The following FAM117A variants were observed in gnomAD, a reference collection of about 807,000 sequenced individuals.
The protein encoded by FAM117A is protein FAM117A.
A neutral mutation model predicts 44.1 loss-of-function variants in FAM117A; 21 were observed. That is an observed-to-expected ratio of 0.48 (90% CI 0.34 to 0.69). FAM117A has a LOEUF of 0.69. FAM117A is among the 30% of genes least tolerant of loss of function. The pLI, the probability that FAM117A is intolerant of heterozygous loss-of-function variation, is 0.01. For missense variants in FAM117A, 498 were observed against 589.9 expected (o/e 0.84, Z 1.61); for synonymous variants, 220 against 238.3 (o/e 0.92, Z 0.71).
chr17:49,762,254 C>G (rs2073725091), intron 1 of FAM117A, among the ~76,000 whole-genome samples: 1 of 152,168 alleles, frequency 6.6e-6, no homozygotes, highest in Non-Finnish European at 1.5e-5. Flanking sequence ...CTAAAAGTGA[C>G]TAAGGTTCCG....
rs141736062 is a variant in FAM117A at position 49,752,727 on chromosome 17, C to T, written c.196+11165G>A. 3.9e-5 allele frequency among the ~76,000 whole-genome samples: 6 copies of T among 152,280 alleles called. No homozygotes were observed. In the East Asian group the frequency reaches 7.7e-4, roughly 20 times the overall value. ...AGCTGGAAACACTCAAAAGCCGCCA[C>T]CATATCACACACATAATAATGTATT... On this transcript the variant is annotated intron_variant, in intron 1 of 7. Coordinates refer to ENST00000240364, the MANE Select transcript of FAM117A (RefSeq NM_030802.4).
At chr17:49,740,064 C>A (rs1296266558) in intron 1 of FAM117A, among the ~76,000 whole-genome samples, 2 of 152,198 alleles carry the variant, frequency 1.3e-5, no homozygotes, top group Non-Finnish European at 2.9e-5. Context: ...TCCTGTCTCA[C>A]AACTGCTACA....
At chr17:49,755,777 G>T (rs181282288) in intron 1 of FAM117A, among the ~76,000 whole-genome samples, 199 of 152,338 alleles carry the variant, frequency 1.3e-3, no homozygotes, top group African/African-American at 4.6e-3. Flanking sequence ...AGGGGGAACA[G>T]TATGTGGGGA....
At position 49,764,022 on chromosome 17, in the gene FAM117A, C is replaced by T; in HGVS notation, c.66G>A (p.Gly22=). The T allele has an allele frequency of 8.3e-7, 1 of 1,203,078 alleles. No individual in the cohort carries two copies. The highest frequency in any genetic ancestry group is 1.0e-6 in the Non-Finnish European group (1 of 964,672). 74.5% of individuals were successfully genotyped at this position (1,203,078 alleles called of 1,614,324 possible). Residue 22 remains glycine, a synonymous_variant, in exon 1 of 8, where the codon GGG becomes GGA. Transcript: ENST00000240364. ...GGGGAGAGCAGCCCCGCCGGAGCCCCCCGGCCCCTCCGCGCCCCGGCCCCC... is the reference window on the plus strand; with the variant it reads ...GGGGAGAGCAGCCCCGCCGGAGCCCTCCGGCCCCTCCGCGCCCCGGCCCCC... ...GAWGPGRGGA[G]GLRRGCSPPA...
At chr17:49,762,334 G>A (rs891044489) in intron 1 of FAM117A, among the ~76,000 whole-genome samples, 1 of 152,166 alleles carries the variant, frequency 6.6e-6, no homozygotes, top group African/African-American at 2.4e-5. Flanking sequence ...GTAGTCTTGT[G>A]GTTTGCTTTA....
upstream of FAM117A, among the ~76,000 whole-genome samples, chr17:49,768,573 T>G (rs777111117): frequency 6.6e-6 from 1 of 152,024 alleles, no homozygotes; most frequent in Non-Finnish European, 1.5e-5. Context: ...CCGACCTACC[T>G]CCTTTACTCA....
At chr17:49,721,304 G>A (rs977086797) in intron 3 of FAM117A, among the ~76,000 whole-genome samples, 4 of 152,152 alleles carry the variant, frequency 2.6e-5, no homozygotes, top group Non-Finnish European at 5.9e-5. Context: ...ATGCTCAGGG[G>A]ATGAAGAGCT....
chr17:49,778,260 T>C (rs2073780352), intron 1 of FAM117A, among the ~76,000 whole-genome samples: 3 of 152,192 alleles, frequency 2.0e-5, no homozygotes, highest in Non-Finnish European at 4.4e-5. Context: ...ACAACAAAAA[T>C]AGTTCAGAAC....
At chr17:49,718,636 A>C (rs892436832) in intron 5 of FAM117A, among the ~76,000 whole-genome samples, 5 of 150,006 alleles carry the variant, frequency 3.3e-5, no homozygotes, top group African/African-American at 4.9e-5. Context: ...ACGCCACTGC[A>C]CTCCAGCCTG....
In FAM117A at chr17:49,719,832, C is replaced by T. The variant is rs1250403999; in HGVS notation, c.636G>A (p.Arg212=). 1 of 1,608,114 alleles carries T rather than the reference C, an allele frequency of 6.2e-7. No homozygotes were observed. Among genetic ancestry groups the T allele is most frequent in the Non-Finnish European group, 8.5e-7 (1 of 1,177,804 alleles). The change falls in exon 5 of 8, where the codon AGG becomes AGA. Residue 212 remains arginine, a synonymous_variant. Coordinates refer to ENST00000240364, the MANE Select transcript of FAM117A (RefSeq NM_030802.4). Reference sequence around the variant, plus strand: ...GCTCTTGGTTGAGCCCTTCCAGGCTCCTGTGCAGGCAGGGGCTGAGTCGCA... The same window carrying T: ...GCTCTTGGTTGAGCCCTTCCAGGCTTCTGTGCAGGCAGGGGCTGAGTCGCA... ...PVLRLSPCLH[R]SLEGLNQELE...
intron 1 of FAM117A, among the ~76,000 whole-genome samples, chr17:49,740,537 C>CCG (rs2073630252): frequency 6.6e-6 from 1 of 152,228 alleles, no homozygotes; most frequent in Non-Finnish European, 1.5e-5. Context: ...GCGTGAGCCA[C>CCG]TGCACCCAGC....
chr17:49,770,760 C>T (rs949435818), intron 1 of FAM117A, among the ~76,000 whole-genome samples: 63 of 151,804 alleles, frequency 4.2e-4, no homozygotes, highest in African/African-American at 1.3e-3. Flanking sequence ...AACAATTAGC[C>T]GAGTGTGGTG....
chr17:49,772,817 T>C (rs1007778440), intron 1 of FAM117A, among the ~76,000 whole-genome samples: 1 of 152,144 alleles, frequency 6.6e-6, no homozygotes, highest in African/African-American at 2.4e-5. Flanking sequence ...AAAAGTGGTC[T>C]ATGGTCTGAT....
intron 1 of FAM117A, among the ~76,000 whole-genome samples, chr17:49,754,125 C>T (rs547300810): frequency 1.1e-4 from 17 of 152,192 alleles, no homozygotes; most frequent in African/African-American, 4.1e-4. Context: ...ACTCCCACCC[C>T]AACCCCACCC....
chr17:49,728,898 A>G (rs116348647), intron 2 of FAM117A, among the ~76,000 whole-genome samples: 158 of 152,272 alleles, frequency 1.0e-3, no homozygotes, highest in African/African-American at 3.7e-3. Flanking sequence ...AAAACAACCA[A>G]TATCACAAAT....
At chr17:49,758,010 C>T (rs1423773872) in intron 1 of FAM117A, among the ~76,000 whole-genome samples, 1 of 152,206 alleles carries the variant, frequency 6.6e-6, no homozygotes, top group Non-Finnish European at 1.5e-5. Flanking sequence ...GAGCGACACC[C>T]AAAGTTTTCC....
chr17:49,773,718 T>C (rs1450064704), intron 1 of FAM117A, among the ~76,000 whole-genome samples: 2 of 152,102 alleles, frequency 1.3e-5, no homozygotes, highest in Non-Finnish European at 2.9e-5. Flanking sequence ...GGTGTTCAGT[T>C]TGTAGCCCAT....
rs77353528 is a variant in FAM117A at position 49,720,496 on chromosome 17, C to G, written c.463-60G>C. On this transcript the variant is annotated intron_variant, in intron 3 of 7. Transcript: ENST00000240364. The stretch of plus-strand genomic sequence containing the variant: ...TAAGGAAAGCCAAAGTGCACTGGGT[C>G]CCTCTTCCAAAGAGTGGCTCCTGGC... The G allele has an allele frequency of 5.2e-3, 7,064 of 1,352,988 alleles. 274 individuals carry two copies. In the African/African-American group the frequency reaches 0.087, roughly 17 times the overall value. 83.8% of individuals were successfully genotyped at this position (1,352,988 alleles called of 1,614,324 possible).
intron 1 of FAM117A, among the ~76,000 whole-genome samples, chr17:49,786,856 G>A (rs1021020832): frequency 4.6e-5 from 7 of 151,688 alleles, no homozygotes; most frequent in African/African-American, 1.5e-4. Flanking sequence ...CTGGAAGGCC[G>A]AGACAGTAGT....
Sources: gnomAD v4.1 joint callset for allele counts (sites outside exome capture counted in the v4.1 genomes callset) on GRCh38, gnomAD v4.1.1 for gene constraint, MANE v1.5 for transcripts, NCBI Gene and HGNC (gene_info 2026-07-23, HGNC 2026-07-21) for gene names.